FAM110B: variants seen among roughly 807,000 people sequenced by gnomAD.
FAM110B encodes the protein protein FAM110B.
FAM110B carries 6 observed loss-of-function variants against 20.4 expected under a neutral mutation model. The ratio of observed to expected loss-of-function variants is 0.29; its 90% confidence interval spans 0.16 to 0.58. The LOEUF (loss-of-function observed/expected upper bound fraction) is 0.58, where lower values mean the gene tolerates loss of function less well. Among genes scored for constraint, FAM110B ranks in the 20% least tolerant of loss-of-function variants. The probability of loss-of-function intolerance (pLI) is 0.90; values close to 1 mark genes in which losing one functional copy is unlikely to be tolerated. For missense variants in FAM110B, 434 were observed against 498.2 expected (o/e 0.87, Z 1.23); for synonymous variants, 226 against 214.1 (o/e 1.06, Z -0.49).
At chr8:58,077,055 A>G (rs771577951) in intron 3 of FAM110B, 1 of 152,198 alleles carries the variant, frequency 6.6e-6, no homozygotes, top group Non-Finnish European at 1.5e-5. Flanking sequence ...AGAGAAAGCC[A>G]ACAACACCCC....
At chr8:58,015,663 T>A (rs1272120774) in intron 1 of FAM110B, among the ~76,000 whole-genome samples, 1 of 151,724 alleles carries the variant, frequency 6.6e-6, no homozygotes, top group East Asian at 1.9e-4. Context: ...CTGGCTAACA[T>A]GATGAAACCC....
intron 1 of FAM110B, among the ~76,000 whole-genome samples, chr8:58,016,175 T>C (rs956422192): frequency 3.9e-5 from 6 of 152,196 alleles, no homozygotes; most frequent in Non-Finnish European, 1.5e-5. Flanking sequence ...TGGTATTTTT[T>C]AAATCTATGA....
intron 1 of FAM110B, among the ~76,000 whole-genome samples, chr8:58,001,805 A>G (rs182297848): frequency 1.7e-3 from 262 of 152,288 alleles, no homozygotes; most frequent in African/African-American, 6.0e-3. Flanking sequence ...TTAATTATTC[A>G]CATATACCTT....
intron 1 of FAM110B, among the ~76,000 whole-genome samples, chr8:58,023,767 G>A (rs192649462): frequency 7.9e-5 from 12 of 152,196 alleles, no homozygotes; most frequent in African/African-American, 2.2e-4. Flanking sequence ...CATTGAAATC[G>A]TGGAAAATGA....
At chr8:58,125,442 T>C (rs1807474965) in intron 3 of FAM110B, among the ~76,000 whole-genome samples, 1 of 152,260 alleles carries the variant, frequency 6.6e-6, no homozygotes, top group Non-Finnish European at 1.5e-5. Context: ...CAATTTAATA[T>C]CCTCATAGAC....
intron 1 of FAM110B, among the ~76,000 whole-genome samples, chr8:58,030,070 A>G (rs1298985152): frequency 1.3e-5 from 2 of 152,164 alleles, no homozygotes; most frequent in Non-Finnish European, 2.9e-5. Flanking sequence ...AAAATACAGA[A>G]CCTTTTGCTT....
chr8:58,027,580 G>A (rs1804878218), intron 1 of FAM110B, among the ~76,000 whole-genome samples: 1 of 152,098 alleles, frequency 6.6e-6, no homozygotes, highest in Non-Finnish European at 1.5e-5. Flanking sequence ...TGCGTGTTCT[G>A]TCGGGCGTCT....
chr8:58,006,924 T>TATATATATATATATATATATAA (rs6150600), intron 1 of FAM110B, among the ~76,000 whole-genome samples: 1 of 110,978 alleles, frequency 9.0e-6, no homozygotes, highest in Non-Finnish European at 1.8e-5. Context: ...TATATATATA[T>TATATATATATATATATATATAA]TTTTCCAAAA....
intron 3 of FAM110B, among the ~76,000 whole-genome samples, chr8:58,093,876 A>G (rs1806550243): frequency 6.6e-6 from 1 of 152,180 alleles, no homozygotes; most frequent in Admixed American, 6.5e-5. Context: ...CTTCCTATCC[A>G]CTAGCATGGA....
intron 3 of FAM110B, among the ~76,000 whole-genome samples, chr8:58,099,305 C>T (rs551512771): frequency 5.9e-5 from 9 of 151,934 alleles, no homozygotes; most frequent in Middle Eastern, 3.4e-3. Flanking sequence ...ACCCAAATGC[C>T]GCTCAAAGGC....
intron 3 of FAM110B, among the ~76,000 whole-genome samples, chr8:58,094,186 A>G (rs1448995812): frequency 2.0e-5 from 3 of 152,200 alleles, no homozygotes; most frequent in African/African-American, 7.2e-5. Flanking sequence ...CAATCATGTC[A>G]TCTGCAAACA....
At chr8:58,076,950 TC>T (rs1405305302) in intron 3 of FAM110B, among the ~76,000 whole-genome samples, 2 of 152,200 alleles carry the variant, frequency 1.3e-5, no homozygotes, top group African/African-American at 2.4e-5. Context: ...GGTGATATGA[TC>T]TCTTTTCTAG....
intron 2 of FAM110B, among the ~76,000 whole-genome samples, chr8:58,050,787 G>A (rs530379742): frequency 1.1e-4 from 17 of 152,170 alleles, no homozygotes; most frequent in East Asian, 1.9e-4. Flanking sequence ...TGCCAATCAC[G>A]GGAGTCAAAT....
chr8:58,136,594 A>G (rs1402819627), intron 3 of FAM110B, among the ~76,000 whole-genome samples: 1 of 152,178 alleles, frequency 6.6e-6, no homozygotes, highest in Non-Finnish European at 1.5e-5. Context: ...GCAAGTCATT[A>G]TATTTCCAAG....
At chr8:58,022,679 C>G (rs1804779548) in intron 1 of FAM110B, among the ~76,000 whole-genome samples, 1 of 152,068 alleles carries the variant, frequency 6.6e-6, no homozygotes, top group South Asian at 2.1e-4. Context: ...CAGCAGAAAA[C>G]ATGAGTATTG....
intron 1 of FAM110B, among the ~76,000 whole-genome samples, chr8:58,009,387 C>T (rs1804481189): frequency 6.6e-6 from 1 of 152,192 alleles, no homozygotes; most frequent in Non-Finnish European, 1.5e-5. Flanking sequence ...CTTCACTGTA[C>T]AGTGTAGGGG....
intron 3 of FAM110B, among the ~76,000 whole-genome samples, chr8:58,125,481 T>C (rs1050403921): frequency 3.3e-5 from 5 of 152,264 alleles, no homozygotes; most frequent in African/African-American, 7.2e-5. Context: ...TTGTGCTTTA[T>C]TGCCTTCAGT....
At chr8:58,019,885 G>T (rs1274311895) in intron 1 of FAM110B, among the ~76,000 whole-genome samples, 3 of 151,748 alleles carry the variant, frequency 2.0e-5, no homozygotes, top group Non-Finnish European at 4.4e-5. Flanking sequence ...TCCAAATTTG[G>T]TACATTTCAT....
chr8:58,058,796 T>A (rs1405375432), intron 2 of FAM110B, among the ~76,000 whole-genome samples: 1 of 152,196 alleles, frequency 6.6e-6, no homozygotes, highest in Non-Finnish European at 1.5e-5. Context: ...TAATACCATA[T>A]TTGTAATGTT....
Sources: gnomAD v4.1 joint callset for allele counts (sites outside exome capture counted in the v4.1 genomes callset) on GRCh38, gnomAD v4.1.1 for gene constraint, MANE v1.5 for transcripts, NCBI Gene and HGNC (gene_info 2026-07-23, HGNC 2026-07-21) for gene names.